The following WARS2 variants were observed in gnomAD, a reference collection of about 807,000 sequenced individuals.
WARS2 encodes the protein tryptophan--tRNA ligase, mitochondrial.
A neutral mutation model predicts 36.5 loss-of-function variants in WARS2; 28 were observed. The ratio of observed to expected loss-of-function variants is 0.77; its 90% CI spans 0.57 to 1.05. The LOEUF (loss-of-function observed/expected upper bound fraction) is 1.05, where lower values mean the gene tolerates loss of function less well. Ranked by LOEUF, WARS2 falls within the 50% of genes least tolerant of loss-of-function variation. The pLI is 0.00. For missense variants in WARS2, 435 were observed against 456.8 expected (o/e 0.95, Z 0.44); for synonymous variants, 174 against 178.4 (o/e 0.98, Z 0.20).
intron 1 of WARS2, chr1:119,140,223 T>A (rs1656845050): frequency 4.2e-6 from 1 of 240,356 alleles, no homozygotes; most frequent in Non-Finnish European, 8.1e-6. Context: ...GAGCAGTCTC[T>A]AAAACAACCC....
At chr1:119,134,319 CAAAAAAA>C (rs761321480) in intron 1 of WARS2, among the ~76,000 whole-genome samples, 8 of 65,872 alleles carry the variant, frequency 1.2e-4, no homozygotes, top group African/African-American at 4.7e-4. Flanking sequence ...GGCAAAGGGG[CAAAAAAA>C]AAAAAAAAAA....
At chr1:119,097,449 T>A (rs944117042) in intron 1 of WARS2, among the ~76,000 whole-genome samples, 8 of 152,218 alleles carry the variant, frequency 5.3e-5, no homozygotes, top group Non-Finnish European at 1.2e-4. Flanking sequence ...TTTACTTCCA[T>A]ACTCTTGCTA....
rs1031828317 is a variant in WARS2 at position 119,061,030 on chromosome 1, G to A, written c.348+15320C>T. On this transcript the variant is annotated intron_variant, in intron 2 of 5. Coordinates refer to ENST00000235521, the MANE Select transcript of WARS2 (RefSeq NM_015836.4). The stretch of plus-strand genomic sequence containing the variant: ...ATATTTCAATTATTGCTTACTACTG[G>A]AAAGACAATTTGGGGCTTGAGCCTG... Among the ~76,000 whole-genome samples the A allele has an allele frequency of 2.6e-5, 4 of 152,134 alleles. No individual in the cohort carries two copies. In the South Asian group the frequency reaches 8.3e-4, roughly 32 times the overall value.
intron 1 of WARS2, among the ~76,000 whole-genome samples, chr1:119,086,313 C>T (rs1423018055): frequency 6.6e-6 from 1 of 152,232 alleles, no homozygotes; most frequent in East Asian, 1.9e-4. Flanking sequence ...CCCTCTTCAG[C>T]TGATTATCTG....
chr1:119,127,412 T>C (rs1655746163), intron 1 of WARS2: 2 of 380,210 alleles, frequency 5.3e-6, no homozygotes, highest in South Asian at 2.8e-5. Flanking sequence ...CAGTAAGCAG[T>C]AGAGCTTACT....
At chr1:119,044,699 G>A (rs937970537) in intron 3 of WARS2, among the ~76,000 whole-genome samples, 8 of 152,186 alleles carry the variant, frequency 5.3e-5, no homozygotes, top group African/African-American at 1.7e-4. Flanking sequence ...CACAGATGCT[G>A]TCAGGAGCAA....
chr1:119,086,378 G>A (rs984284423), intron 1 of WARS2, among the ~76,000 whole-genome samples: 3 of 152,160 alleles, frequency 2.0e-5, no homozygotes, highest in Non-Finnish European at 2.9e-5. Context: ...ACACCAAGTC[G>A]TCAGACTGTT....
In WARS2 at chr1:119,032,501, T is replaced by A. The variant is rs1405942250; in HGVS notation, c.*410A>T. 2 of 169,980 alleles carry A rather than the reference T, an allele frequency of 1.2e-5. No homozygotes were observed. Among genetic ancestry groups the A allele is most frequent in the African/African-American group, 2.4e-5 (1 of 41,762 alleles). The allele number at this position is 169,980 out of a possible 1,614,324, so 10.5% of individuals were successfully genotyped here. A position where few individuals can be genotyped will look rare whatever the true frequency, so the allele number is the denominator to read the frequency against. ...CAAATGGCATCTCAAGGATTATACATCTAAGACCTCTATATATTGCTTTAT... is the reference window on the plus strand; with the variant it reads ...CAAATGGCATCTCAAGGATTATACAACTAAGACCTCTATATATTGCTTTAT... On this transcript the variant is annotated 3_prime_UTR_variant, in exon 6 of 6. Coordinates refer to ENST00000235521, the MANE Select transcript of WARS2 (RefSeq NM_015836.4).
At chr1:119,111,273 G>C (rs1320141461) in intron 1 of WARS2, among the ~76,000 whole-genome samples, 1 of 152,162 alleles carries the variant, frequency 6.6e-6, no homozygotes, top group Non-Finnish European at 1.5e-5. Context: ...GTAGTGGCAA[G>C]TTGTAGGGGG....
At chr1:119,050,064 T>C (rs1378647587) in intron 2 of WARS2, among the ~76,000 whole-genome samples, 1 of 152,236 alleles carries the variant, frequency 6.6e-6, no homozygotes, top group Non-Finnish European at 1.5e-5. Flanking sequence ...GCCTGTAAGA[T>C]GAGGCAAAGT....
intron 1 of WARS2, among the ~76,000 whole-genome samples, chr1:119,137,086 T>C (rs971188875): frequency 2.0e-5 from 3 of 152,190 alleles, no homozygotes; most frequent in Non-Finnish European, 4.4e-5. Flanking sequence ...GGATTTGATC[T>C]TGGACTAAGG....
In WARS2 at chr1:119,034,204, G is replaced by A. The variant is rs199831668; in HGVS notation, c.525C>T (p.His175=). Residue 175 remains histidine, a synonymous_variant, in exon 5 of 6, where the codon CAC becomes CAT. Coordinates refer to ENST00000235521, the MANE Select transcript of WARS2 (RefSeq NM_015836.4). The stretch of plus-strand genomic sequence containing the variant: ...GGACTTGATCCTCCCCAACAGGAAC[G>A]TGTGTGGACCTTTAATAAAAGACAG... ...AADILLYKST[H]VPVGEDQVQH... 211 of 1,613,562 alleles carry A rather than the reference G, an allele frequency of 1.3e-4. No homozygotes were observed. The highest frequency in any genetic ancestry group is 1.4e-4 in the Non-Finnish European group (163 of 1,179,596).
At chr1:119,098,628 G>T (rs1333370385) in intron 1 of WARS2, among the ~76,000 whole-genome samples, 1 of 152,014 alleles carries the variant, frequency 6.6e-6, no homozygotes, top group Admixed American at 6.5e-5. Context: ...TAGTAGAGAC[G>T]AGGTTTTCCC....
chr1:119,094,734 A>G (rs1004866269), intron 1 of WARS2, among the ~76,000 whole-genome samples: 1 of 152,184 alleles, frequency 6.6e-6, no homozygotes, highest in Non-Finnish European at 1.5e-5. Flanking sequence ...TCCCAAATAC[A>G]GTACAATTTT....
chr1:119,077,440 T>C (rs1179708591), intron 1 of WARS2, among the ~76,000 whole-genome samples: 1 of 152,198 alleles, frequency 6.6e-6, no homozygotes, highest in Non-Finnish European at 1.5e-5. Flanking sequence ...TTAGCATTAG[T>C]GCTAAAGGCT....
chr1:119,136,198 T>C (rs1017109669), intron 1 of WARS2, among the ~76,000 whole-genome samples: 2 of 152,112 alleles, frequency 1.3e-5, no homozygotes, highest in Non-Finnish European at 2.9e-5. Context: ...TTGCAGTCAT[T>C]CGAAAGATAT....
intron 4 of WARS2, among the ~76,000 whole-genome samples, chr1:119,038,050 TAG>T (rs1334401050): frequency 6.6e-6 from 1 of 152,232 alleles, no homozygotes; most frequent in Non-Finnish European, 1.5e-5. Context: ...TGTTACTTTT[TAG>T]AGAGTGTACT....
chr1:119,097,441 T>C (rs587775404), intron 1 of WARS2, among the ~76,000 whole-genome samples: 37 of 152,352 alleles, frequency 2.4e-4, no homozygotes, highest in African/African-American at 7.9e-4. Flanking sequence ...ATACTTCTTT[T>C]ACTTCCATAC....
chr1:119,082,382 T>C (rs1571332264), intron 1 of WARS2: 1 of 985,436 alleles, frequency 1.0e-6, no homozygotes, highest in Non-Finnish European at 1.2e-6. Flanking sequence ...ACATGTATTT[T>C]CCTTCTTGTG....
Sources: allele counts gnomAD v4.1 joint callset (sites outside exome capture counted in the v4.1 genomes callset), GRCh38; gene constraint gnomAD v4.1.1; transcripts MANE v1.5; gene names NCBI Gene and HGNC (gene_info 2026-07-23, HGNC 2026-07-21).